PDGFRB: variants seen among roughly 807,000 people sequenced by gnomAD.
The protein encoded by PDGFRB is platelet derived growth factor receptor beta.
PDGFRB carries 42 observed loss-of-function variants against 120.2 expected under a neutral mutation model. That is an observed-to-expected ratio of 0.35 (90% CI 0.27 to 0.45). PDGFRB has a LOEUF of 0.45. PDGFRB is among the 20% of genes least tolerant of loss of function. The pLI, the probability that PDGFRB is intolerant of heterozygous loss-of-function variation, is 1.00. For missense variants in PDGFRB, 1,149 were observed against 1,476.3 expected, an observed-to-expected ratio of 0.78 and a Z score of 3.63; for synonymous variants, 586 against 606.8, an observed-to-expected ratio of 0.97 and a Z score of 0.50.
intron 1 of PDGFRB, chr5:150,153,985 C>A (rs1761155041): frequency 6.6e-6 from 1 of 152,144 alleles, no homozygotes; most frequent in Admixed American, 6.6e-5. Flanking sequence ...GATGGGGAAA[C>A]CTTAAACCTT....
chr5:150,120,968 C>T lies in PDGFRB; in HGVS notation c.2506G>A (p.Glu836Lys). The T allele has an allele frequency of 6.2e-7, 1 of 1,613,874 alleles. No homozygotes were observed. Among genetic ancestry groups the T allele is most frequent in the Non-Finnish European group, 8.5e-7 (1 of 1,179,834 alleles). ...DLAARNVLIC[E>K]GKLVKICDFG... ...TCACAGATCTTGACCAGCTTGCCTT[C>T]ACAGATGAGCACGTTCCTAGCCGCC... Residue 836 changes from glutamate to lysine, a missense_variant, in exon 18 of 23, where the codon GAA becomes AAA. Physicochemically the swap from Glu to Lys is moderately conservative, Grantham distance 56. Transcript: ENST00000261799. The surrounding 1 kb of genome is among the most constrained non-coding windows in gnomAD (Gnocchi z 4.3).
Position 150,131,967 on chromosome 5 carries a change from CGT to C in PDGFRB, c.1243+10_1243+11del, listed in dbSNP as rs771004541. ...GAAGGAGCAGGGACATGGCGAGGGGCGTGCTCATCACCATTGATCTGTAGCTG... is the reference window on the plus strand; with the variant it reads ...GAAGGAGCAGGGACATGGCGAGGGGCGCTCATCACCATTGATCTGTAGCTG... On this transcript the variant is annotated intron_variant, in intron 8 of 22. Coordinates refer to ENST00000261799, the MANE Select transcript of PDGFRB (RefSeq NM_002609.4). 7.4e-7 allele frequency: 1 copy of C among 1,346,476 alleles called. No homozygotes were observed. Among genetic ancestry groups the C allele is most frequent in the Non-Finnish European group, 1.1e-6 (1 of 936,070 alleles). 83.4% of individuals were successfully genotyped at this position (1,346,476 alleles called of 1,614,324 possible). A position where few individuals can be genotyped will look rare whatever the true frequency, so the allele number is the denominator to read the frequency against.
In PDGFRB at chr5:150,132,589, G is replaced by A. The variant is rs904839371; in HGVS notation, c.1127+161C>T. On this transcript the variant is annotated intron_variant, in intron 7 of 22. Transcript: ENST00000261799. This position sits in a 1 kb window ranked among gnomAD's most constrained non-coding sequence, Gnocchi z 5.0. ...CTCCACTAGACTAGAAACTCTAGGAGGGATGAACTGTCAGCTCTGGTCGCT... is the reference window on the plus strand; with the variant it reads ...CTCCACTAGACTAGAAACTCTAGGAAGGATGAACTGTCAGCTCTGGTCGCT... Among the ~76,000 whole-genome samples the A allele has an allele frequency of 7.2e-5, 11 of 152,262 alleles. No individual in the cohort carries two copies. Among genetic ancestry groups the A allele is most frequent in the Non-Finnish European group, 1.5e-4 (10 of 68,046 alleles).
intron 1 of PDGFRB, among the ~76,000 whole-genome samples, chr5:150,145,279 C>A (rs1306538855): frequency 6.6e-6 from 1 of 152,248 alleles, no homozygotes; most frequent in Non-Finnish European, 1.5e-5. Flanking sequence ...ACATAACAGA[C>A]AAAATATGTG....
intron 1 of PDGFRB, among the ~76,000 whole-genome samples, chr5:150,150,273 G>T (rs933284274): frequency 9.2e-5 from 14 of 152,322 alleles, no homozygotes; most frequent in African/African-American, 3.1e-4. Context: ...CCAATGATCT[G>T]TACGGACCTT....
chr5:150,131,883 A>C (rs2113905588), intron 8 of PDGFRB, 96 bp downstream of exon 8: 3 of 645,042 alleles, frequency 4.7e-6, no homozygotes, highest in Non-Finnish European at 8.3e-6. Context: ...TCCCTCTCCC[A>C]CTCCTCCCAT....
At chr5:150,128,189 C>T (rs1760352762) in intron 10 of PDGFRB, among the ~76,000 whole-genome samples, 1 of 152,266 alleles carries the variant, frequency 6.6e-6, no homozygotes, top group Non-Finnish European at 1.5e-5. Context: ...CAGCTTCCCG[C>T]TCAGGCTTTA....
intron 1 of PDGFRB, among the ~76,000 whole-genome samples, chr5:150,148,050 G>T (rs1760973830): frequency 6.6e-6 from 1 of 152,142 alleles, no homozygotes; most frequent in African/African-American, 2.4e-5. Flanking sequence ...CTCAGGAAGA[G>T]GTAGCTGCTG....
intron 1 of PDGFRB, among the ~76,000 whole-genome samples, chr5:150,152,106 C>T (rs999337813): frequency 3.9e-5 from 6 of 151,950 alleles, no homozygotes; most frequent in South Asian, 2.1e-4. Flanking sequence ...AGGGTTTCAC[C>T]ATGTTGGCCA....
At chr5:150,148,391 C>A (rs1760982305) in intron 1 of PDGFRB, among the ~76,000 whole-genome samples, 1 of 152,248 alleles carries the variant, frequency 6.6e-6, no homozygotes, top group Admixed American at 6.5e-5. Flanking sequence ...GGGCCCTCGG[C>A]TGCCTCCTAA....
intron 10 of PDGFRB, among the ~76,000 whole-genome samples, chr5:150,129,350 C>A (rs1435137307): frequency 1.3e-5 from 2 of 152,058 alleles, no homozygotes; most frequent in Non-Finnish European, 2.9e-5. Flanking sequence ...GCATAGTGCA[C>A]AGGTGTATGC....
chr5:150,125,409 T>C (rs753216962), intron 12 of PDGFRB, 36 bp downstream of exon 12: 1 of 1,583,164 alleles, frequency 6.3e-7, no homozygotes, highest in Non-Finnish European at 8.6e-7. Context: ...CCAACTTGAG[T>C]CCCCACACTG....
chr5:150,126,951 T>A (rs1760310250), intron 10 of PDGFRB, among the ~76,000 whole-genome samples: 1 of 152,190 alleles, frequency 6.6e-6, no homozygotes, highest in Admixed American at 6.5e-5. Flanking sequence ...GGACCTCCCA[T>A]TAGCCCTGGA....
At chr5:150,136,891 G>T in intron 2 of PDGFRB, 117 bp downstream of exon 2, 1 of 767,992 alleles carries the variant, frequency 1.3e-6, no homozygotes, top group East Asian at 2.7e-5. Context: ...AAAGCTGAAG[G>T]GCAGGGCAGT....
At position 150,126,535 on chromosome 5, in the gene PDGFRB, G is replaced by A. The variant is rs1286925801; in HGVS notation, c.1659C>T (p.Ile553=). The stretch of plus-strand genomic sequence containing the variant: ...AGGGGCTTACCTTCTGCCAAAGCAT[G>A]ATGAGGATGATAAGGGAGATGATGG... ...VLTIISLIIL[I]MLWQKKPRYE... Residue 553 remains isoleucine, a synonymous_variant, in exon 11 of 23, where the codon ATC becomes ATT. Coordinates refer to ENST00000261799, the MANE Select transcript of PDGFRB (RefSeq NM_002609.4). The A allele has an allele frequency of 1.3e-6, 2 of 1,595,794 alleles. No individual in the cohort carries two copies. Among genetic ancestry groups the A allele is most frequent in the Non-Finnish European group, 8.6e-7 (1 of 1,163,306 alleles).
At chr5:150,147,131 C>T (rs1760945041) in intron 1 of PDGFRB, among the ~76,000 whole-genome samples, 1 of 152,164 alleles carries the variant, frequency 6.6e-6, no homozygotes, top group African/African-American at 2.4e-5. Flanking sequence ...CTGCCACAGG[C>T]CTGCTGTGCA....
At position 150,134,930 on chromosome 5, in the gene PDGFRB, C is replaced by T. The variant is rs775542260; in HGVS notation, c.451G>A (p.Val151Ile). 1 of 1,613,912 alleles carries T rather than the reference C, an allele frequency of 6.2e-7. No homozygotes were observed. The highest frequency in any genetic ancestry group is 1.1e-5 in the South Asian group (1 of 91,072). ...EITEITIPCR[V>I]TDPQLVVTLH... The stretch of plus-strand genomic sequence containing the variant: ...GTCACCACCAGCTGTGGGTCTGTTA[C>T]TCGGCATGGAATGGTGATCTCAGTT... The change falls in exon 4 of 23, where the codon GTA (valine) becomes ATA (isoleucine). Residue 151 changes from valine to isoleucine, a missense_variant. This residue lies in a region of PDGFRB where 879 missense variants were observed against 1,108.6 expected (regional missense o/e 0.79). Coordinates refer to ENST00000261799, the MANE Select transcript of PDGFRB (RefSeq NM_002609.4).
chr5:150,122,972 C>T (rs1760185055), intron 15 of PDGFRB, 70 bp downstream of exon 15: 5 of 1,386,556 alleles, frequency 3.6e-6, no homozygotes, highest in Non-Finnish European at 5.0e-6. Flanking sequence ...CCCTCCTGGA[C>T]AAAAGGAGGG....
intron 1 of PDGFRB, among the ~76,000 whole-genome samples, chr5:150,152,807 T>C (rs1178980224): frequency 6.6e-6 from 1 of 152,202 alleles, no homozygotes; most frequent in African/African-American, 2.4e-5. Context: ...AGGAGAGCAG[T>C]GGTTCTCTCA....
Sources: allele counts gnomAD v4.1 joint callset (sites outside exome capture counted in the v4.1 genomes callset), GRCh38; gene constraint gnomAD v4.1.1; regional missense constraint gnomAD v4.1.1; non-coding constraint Gnocchi (gnomAD v3.1); transcripts MANE v1.5; gene names NCBI Gene and HGNC (gene_info 2026-07-23, HGNC 2026-07-21).